DGKB: variants seen among roughly 807,000 people sequenced by gnomAD.
DGKB encodes the protein 90 kDa diacylglycerol kinase.
A neutral mutation model predicts 114.3 loss-of-function variants in DGKB; 67 were observed. That is an observed-to-expected ratio of 0.59 (90% CI 0.48 to 0.72). The LOEUF is 0.72. DGKB is among the 30% of genes least tolerant of loss of function. The probability of loss-of-function intolerance (pLI) is 0.00; values close to 1 mark genes in which losing one functional copy is unlikely to be tolerated. For missense variants in DGKB, 907 were observed against 975.2 expected, an observed-to-expected ratio of 0.93 and a Z score of 0.93; for synonymous variants, 398 against 323.1, an observed-to-expected ratio of 1.23 and a Z score of -2.49.
rs189893448 is a variant in DGKB, at chr7:14,826,224, G to C, written c.70+14970C>G. Among the ~76,000 whole-genome samples, 510 of 152,122 alleles carry C rather than the reference G, an allele frequency of 3.4e-3. 1 individual carries two copies. Among genetic ancestry groups the C allele is most frequent in the Non-Finnish European group, 6.0e-3 (409 of 67,988 alleles). On this transcript the variant is annotated intron_variant, in intron 2 of 25. Transcript: ENST00000402815. The stretch of plus-strand genomic sequence containing the variant: ...CTGGGAGAAATAGATCCTTTTCTTC[G>C]TGGAAGCTTCTGCCTATAACTTCTA...
At chr7:14,471,761 A>T (rs117742808) in intron 21 of DGKB, among the ~76,000 whole-genome samples, 1 of 152,142 alleles carries the variant, frequency 6.6e-6, no homozygotes, top group Admixed American at 6.5e-5. Context: ...AGCATAAACT[A>T]TAAAGGTAGT....
chr7:14,280,048 G>A (rs552593989), intron 23 of DGKB, among the ~76,000 whole-genome samples: 1 of 152,056 alleles, frequency 6.6e-6, no homozygotes, highest in South Asian at 2.1e-4. Context: ...GGCTTCAGAC[G>A]ATCAAATTAC....
chr7:14,374,450 C>T (rs1818169227), intron 21 of DGKB, among the ~76,000 whole-genome samples: 1 of 152,182 alleles, frequency 6.6e-6, no homozygotes, highest in African/African-American at 2.4e-5. Context: ...CAATGTGCCT[C>T]AGCTGAAACT....
At chr7:14,717,152 A>T (rs1233815572) in intron 6 of DGKB, among the ~76,000 whole-genome samples, 1 of 152,202 alleles carries the variant, frequency 6.6e-6, no homozygotes, top group African/African-American at 2.4e-5. Context: ...AAGGATGCAC[A>T]TGGAAAACTC....
intron 23 of DGKB, among the ~76,000 whole-genome samples, chr7:14,179,345 C>T (rs1385576502): frequency 6.6e-6 from 1 of 152,092 alleles, no homozygotes; most frequent in Non-Finnish European, 1.5e-5. Flanking sequence ...GGTTCTTTTC[C>T]ATTGTAATAT....
At chr7:14,670,772 C>A (rs1390838768) in intron 13 of DGKB, among the ~76,000 whole-genome samples, 1 of 152,054 alleles carries the variant, frequency 6.6e-6, no homozygotes, top group Non-Finnish European at 1.5e-5. Flanking sequence ...TTAGTACAAC[C>A]AGGTACTAAA....
intron 21 of DGKB, among the ~76,000 whole-genome samples, chr7:14,463,069 T>C (rs1393777520): frequency 6.6e-6 from 1 of 152,136 alleles, no homozygotes; most frequent in African/African-American, 2.4e-5. Context: ...ACCCCTACCT[T>C]ACACTTTATA....
At chr7:14,641,070 A>G (rs1404741053) in intron 13 of DGKB, among the ~76,000 whole-genome samples, 1 of 152,194 alleles carries the variant, frequency 6.6e-6, no homozygotes, top group Non-Finnish European at 1.5e-5. Flanking sequence ...GGGAGCTTTT[A>G]TGCCATAGTT....
intron 6 of DGKB, among the ~76,000 whole-genome samples, chr7:14,707,149 C>T (rs1203084757): frequency 7.4e-6 from 1 of 134,646 alleles, no homozygotes; most frequent in Non-Finnish European, 1.6e-5. Flanking sequence ...CCACCGATTC[C>T]ACAGAAATAC....
Position 14,841,469 on chromosome 7 carries a change from G to C in DGKB, c.-187-19C>G, listed in dbSNP as rs1215499431. On this transcript the variant is annotated intron_variant, in intron 1 of 25. Coordinates refer to ENST00000402815, the MANE Select transcript of DGKB (RefSeq NM_001350709.2). ...TAAAGAACTGCAAAAAAAAAAAACA[G>C]ATCAAGATCAAAAGATTAACATGAT... The C allele has an allele frequency of 1.0e-5, 4 of 389,396 alleles. No individual in the cohort carries two copies. In the South Asian group the frequency reaches 2.2e-4, roughly 21 times the overall value. The allele number at this position is 389,396 out of a possible 1,614,324, so 24.1% of individuals were successfully genotyped here. A position where few individuals can be genotyped will look rare whatever the true frequency, so the allele number is the denominator to read the frequency against.
intron 1 of DGKB, among the ~76,000 whole-genome samples, chr7:14,935,803 G>A (rs1392289121): frequency 6.6e-6 from 1 of 151,608 alleles, no homozygotes; most frequent in Non-Finnish European, 1.5e-5. Flanking sequence ...AAAACCTCAT[G>A]GAACTAATAT....
intron 6 of DGKB, among the ~76,000 whole-genome samples, chr7:14,712,898 A>C (rs1244881450): frequency 1.3e-5 from 2 of 152,034 alleles, no homozygotes; most frequent in Non-Finnish European, 2.9e-5. Flanking sequence ...AGGTCAAGGG[A>C]ATCACTGAAC....
intron 1 of DGKB, among the ~76,000 whole-genome samples, chr7:14,888,471 A>C (rs1780664977): frequency 6.6e-6 from 1 of 151,694 alleles, no homozygotes; most frequent in Admixed American, 6.6e-5. Flanking sequence ...CGTACATCGG[A>C]AAGTTGTGAG....
intron 21 of DGKB, among the ~76,000 whole-genome samples, chr7:14,426,575 T>A (rs1337472038): frequency 1.3e-5 from 2 of 152,152 alleles, no homozygotes; most frequent in African/African-American, 4.8e-5. Flanking sequence ...TGCTACCTAT[T>A]TGCCTACTGG....
At chr7:14,441,022 T>A (rs1386474200) in intron 21 of DGKB, among the ~76,000 whole-genome samples, 1 of 152,128 alleles carries the variant, frequency 6.6e-6, no homozygotes, top group Admixed American at 6.6e-5. Context: ...CTTTTAGAAT[T>A]CTTTTTTTTC....
chr7:14,657,711 G>T (rs907237217), intron 13 of DGKB, among the ~76,000 whole-genome samples: 1 of 151,856 alleles, frequency 6.6e-6, no homozygotes, highest in Non-Finnish European at 1.5e-5. Flanking sequence ...CTCCCCACCA[G>T]ACTCTGCATT....
chr7:14,215,808 A>C (rs1788862127), intron 23 of DGKB, among the ~76,000 whole-genome samples: 1 of 152,230 alleles, frequency 6.6e-6, no homozygotes, highest in African/African-American at 2.4e-5. Flanking sequence ...AATTATATGC[A>C]AATGGAAAAA....
At chr7:14,253,226 G>A (rs996196290) in intron 23 of DGKB, among the ~76,000 whole-genome samples, 5 of 151,954 alleles carry the variant, frequency 3.3e-5, no homozygotes, top group African/African-American at 1.2e-4. Flanking sequence ...GTAGAGACGG[G>A]GTTTCACCAT....
At chr7:14,537,132 T>G (rs1030966323) in intron 20 of DGKB, among the ~76,000 whole-genome samples, 4 of 152,044 alleles carry the variant, frequency 2.6e-5, no homozygotes, top group Admixed American at 2.0e-4. Context: ...GACTAGTAAG[T>G]TGAAAAATTT....
Sources: allele counts gnomAD v4.1 joint callset (sites outside exome capture counted in the v4.1 genomes callset), GRCh38; gene constraint gnomAD v4.1.1; transcripts MANE v1.5; gene names NCBI Gene and HGNC (gene_info 2026-07-23, HGNC 2026-07-21).